The following GTF2H1 variants were observed in gnomAD, a reference collection of about 807,000 sequenced individuals.
GTF2H1 encodes the protein BTF2 p62.
In GTF2H1, 16 loss-of-function variants were observed where a neutral mutation model predicts 71.2. That is an observed-to-expected ratio of 0.22 (90% CI 0.15 to 0.34). The LOEUF (loss-of-function observed/expected upper bound fraction) is 0.34. GTF2H1 is among the 10% of genes least tolerant of loss of function. The pLI, the probability that GTF2H1 is intolerant of heterozygous loss-of-function variation, is 1.00. For synonymous variants in GTF2H1, 215 were observed against 219.0 expected (o/e 0.98, Z 0.16); for missense variants, 498 against 648.2 (o/e 0.77, Z 2.52).
chr11:18,328,662 TAA>T (rs1485006699), intron 1 of GTF2H1, among the ~76,000 whole-genome samples: 4 of 151,374 alleles, frequency 2.6e-5, no homozygotes, highest in Non-Finnish European at 5.9e-5. Flanking sequence ...CCATCTCTAC[TAA>T]AAATACAAAA....
At chr11:18,326,555 G>A (rs1387911447) in intron 1 of GTF2H1, among the ~76,000 whole-genome samples, 1 of 151,430 alleles carries the variant, frequency 6.6e-6, no homozygotes, top group Non-Finnish European at 1.5e-5. Flanking sequence ...CCCAGTTGCT[G>A]TAGTCAGTTC....
chr11:18,365,271 G>A (rs1449710424), intron 14 of GTF2H1, among the ~76,000 whole-genome samples: 3 of 151,964 alleles, frequency 2.0e-5, no homozygotes, highest in South Asian at 4.1e-4. Context: ...CTAGCTACTC[G>A]GGAGTCTGAG....
At chr11:18,340,974 C>T (rs970098855) in intron 5 of GTF2H1, among the ~76,000 whole-genome samples, 1 of 152,182 alleles carries the variant, frequency 6.6e-6, no homozygotes, top group Non-Finnish European at 1.5e-5. Context: ...AGCAAACAAG[C>T]AGACTCAGCT....
intron 11 of GTF2H1, among the ~76,000 whole-genome samples, chr11:18,357,580 G>A (rs189310475): frequency 3.4e-4 from 52 of 152,196 alleles, no homozygotes; most frequent in African/African-American, 1.2e-3. Context: ...AGAAACAAAG[G>A]ATACAGGTTA....
At chr11:18,323,777 A>T (rs1276219402) in intron 1 of GTF2H1, among the ~76,000 whole-genome samples, 2 of 152,216 alleles carry the variant, frequency 1.3e-5, no homozygotes, top group African/African-American at 4.8e-5. Flanking sequence ...CTTAACTTCT[A>T]TCCTAGAGGC....
At chr11:18,339,828 T>C (rs1865115398) in intron 5 of GTF2H1, among the ~76,000 whole-genome samples, 171 bp downstream of exon 5, 1 of 152,222 alleles carries the variant, frequency 6.6e-6, no homozygotes, top group Non-Finnish European at 1.5e-5. Context: ...AAATAATGTG[T>C]TGTCATCAGT....
intron 13 of GTF2H1, among the ~76,000 whole-genome samples, chr11:18,359,994 G>T (rs1565019875): frequency 6.6e-6 from 1 of 151,844 alleles, no homozygotes; most frequent in Non-Finnish European, 1.5e-5. Flanking sequence ...GATCACCTGA[G>T]CCTAGAGAGG....
chr11:18,358,776 A>C (rs1438685295), intron 13 of GTF2H1, 136 bp downstream of exon 13: 5 of 601,510 alleles, frequency 8.3e-6, no homozygotes, highest in Non-Finnish European at 1.5e-5. Context: ...TTTCATGTAA[A>C]CCTCACAGCA....
chr11:18,330,181 G>C (rs898767434), intron 1 of GTF2H1, among the ~76,000 whole-genome samples: 1 of 152,142 alleles, frequency 6.6e-6, no homozygotes, highest in Non-Finnish European at 1.5e-5. Flanking sequence ...AAATTCTGTG[G>C]CAAACATTTC....
At chr11:18,346,303 A>G (rs899284780) in intron 7 of GTF2H1, among the ~76,000 whole-genome samples, 3 of 152,068 alleles carry the variant, frequency 2.0e-5, no homozygotes, top group African/African-American at 7.2e-5. Context: ...TTCTGCCTCA[A>G]CCTCCCAAAT....
At position 18,337,062 on chromosome 11, in the gene GTF2H1, A is replaced by G. The variant is rs367942997; in HGVS notation, c.348-1047A>G. 1.8e-4 allele frequency among the ~76,000 whole-genome samples: 27 copies of G among 152,222 alleles called. No homozygotes were observed. In the East Asian group the frequency reaches 5.0e-3, roughly 28 times the overall value. On this transcript the variant is annotated intron_variant, in intron 3 of 14. Transcript: ENST00000265963. ...CGCCACACCTGGCCACAATTTCCTT[A>G]TGAATTATTCCATCACCAATATCTT...
At chr11:18,341,223 A>G in intron 5 of GTF2H1, 38 bp from the exon 6 acceptor site, 1 of 1,553,642 alleles carries the variant, frequency 6.4e-7, no homozygotes, top group South Asian at 1.2e-5. Flanking sequence ...TTAAAAATGG[A>G]AATTCAGTAT....
Position 18,338,115 on chromosome 11 carries a change from G to T in GTF2H1, c.354G>T (p.Leu118=). The change falls in exon 4 of 15, where the codon CTG becomes CTT. Residue 118 remains leucine (L), a synonymous_variant. Transcript: ENST00000265963. The part of the protein sequence containing the change: ...NKELEEKNRM[L]QEDPVLFQLY... ...AGTATATTCTGCTTTACAGAATGCT[G>T]CAAGAAGATCCTGTTTTGTTTCAGC... is the stretch of plus-strand genomic sequence containing the variant. 3.7e-6 allele frequency: 6 copies of T among 1,606,596 alleles called. No individual in the cohort carries two copies. Among genetic ancestry groups the T allele is most frequent in the Non-Finnish European group, 5.1e-6 (6 of 1,173,222 alleles).
At chr11:18,362,154 C>T (rs1478577787) in intron 14 of GTF2H1, among the ~76,000 whole-genome samples, 1 of 152,124 alleles carries the variant, frequency 6.6e-6, no homozygotes, top group Non-Finnish European at 1.5e-5. Context: ...TCCTAGGCTA[C>T]AAACCTGTAC....
chr11:18,329,041 A>G (rs941744380), intron 1 of GTF2H1, among the ~76,000 whole-genome samples: 2 of 152,216 alleles, frequency 1.3e-5, no homozygotes, highest in Admixed American at 1.3e-4. Flanking sequence ...TGGGATTGTA[A>G]GAAAACAAAT....
At chr11:18,364,209 T>G (rs7935451) in intron 14 of GTF2H1, among the ~76,000 whole-genome samples, 2,976 of 152,278 alleles carry the variant, frequency 0.02, 103 homozygotes, top group African/African-American at 0.068. Context: ...CAGACAGAGC[T>G]AAATATTACT....
Position 18,358,628 on chromosome 11 carries a change from C to T in GTF2H1, c.1455C>T (p.Phe485=). The change falls in exon 13 of 15, where the codon TTC becomes TTT. Residue 485 remains phenylalanine, a synonymous_variant. Coordinates refer to ENST00000265963, the MANE Select transcript of GTF2H1 (RefSeq NM_005316.4). ...CCTGCTTTCCTGTTAATACGCCATTCCTAGAAGAAAAGGTTAGAACCAGTT... is the reference window on the plus strand; with the variant it reads ...CCTGCTTTCCTGTTAATACGCCATTTCTAGAAGAAAAGGTTAGAACCAGTT... ...FWSCFPVNTP[F]LEEKVVKMKS... 6.3e-7 allele frequency: 1 copy of T among 1,595,816 alleles called. No homozygotes were observed. The highest frequency in any genetic ancestry group is 8.6e-7 in the Non-Finnish European group (1 of 1,163,612).
At position 18,335,912 on chromosome 11, in the gene GTF2H1, A is replaced by G; in HGVS notation, c.313A>G (p.Arg105Gly). ...LLQQLLPKFK[R>G]KANKELEEKN... ...TCAGCAGCTGCTGCCCAAATTCAAG[A>G]GGAAAGCAAATAAAGAACTGGAAGA... The change falls in exon 3 of 15, where the codon AGG becomes GGG. Residue 105 changes from arginine to glycine, a missense_variant. By Grantham distance (125) the Arg-to-Gly change is moderately radical (BLOSUM62 -2). This residue lies in a region of GTF2H1 where 216 missense variants were observed against 306.2 expected (regional missense o/e 0.71). Coordinates refer to ENST00000265963, the MANE Select transcript of GTF2H1 (RefSeq NM_005316.4). 1 of 1,614,162 alleles carries G rather than the reference A, an allele frequency of 6.2e-7. No individual in the cohort carries two copies. The highest frequency in any genetic ancestry group is 1.1e-5 in the South Asian group (1 of 91,084).
At chr11:18,338,403 G>T in intron 4 of GTF2H1, 129 bp downstream of exon 4, 1 of 629,280 alleles carries the variant, frequency 1.6e-6, no homozygotes, top group East Asian at 2.7e-5. Flanking sequence ...GAGTATCCAT[G>T]GTATTCTTCA....
Sources: allele counts gnomAD v4.1 joint callset (sites outside exome capture counted in the v4.1 genomes callset), GRCh38; gene constraint gnomAD v4.1.1; regional missense constraint gnomAD v4.1.1; transcripts MANE v1.5; gene names NCBI Gene and HGNC (gene_info 2026-07-23, HGNC 2026-07-21).